Variants in ASTN1 observed in about 807,000 individuals in gnomAD.
ASTN1 encodes the protein astrotactin-1.
ASTN1 carries 41 observed loss-of-function variants against 140.7 expected under a neutral mutation model. That is an observed-to-expected ratio of 0.29 (90% confidence interval 0.23 to 0.38). The LOEUF (loss-of-function observed/expected upper bound fraction) is 0.38. Among genes scored for constraint, ASTN1 ranks in the 10% least tolerant of loss-of-function variants. The pLI, the probability that ASTN1 is intolerant of heterozygous loss-of-function variation, is 1.00. For synonymous variants in ASTN1, 640 were observed against 652.2 expected, an observed-to-expected ratio of 0.98 and a Z score of 0.29; for missense variants, 1,479 against 1,678.8, an observed-to-expected ratio of 0.88 and a Z score of 2.08.
At chr1:177,137,107 C>G (rs983997739) in intron 1 of ASTN1, among the ~76,000 whole-genome samples, 2 of 152,032 alleles carry the variant, frequency 1.3e-5, no homozygotes, top group Non-Finnish European at 2.9e-5. Flanking sequence ...CTGGTATGAA[C>G]AAGCAGGAAA....
intron 12 of ASTN1, among the ~76,000 whole-genome samples, chr1:176,948,831 T>A (rs1047400245): frequency 6.6e-6 from 1 of 152,192 alleles, no homozygotes; most frequent in African/African-American, 2.4e-5. Flanking sequence ...AATAAAAACC[T>A]TTTGTCACAA....
intron 1 of ASTN1, among the ~76,000 whole-genome samples, chr1:177,100,735 C>T (rs566787262): frequency 3.9e-4 from 60 of 152,266 alleles, no homozygotes; most frequent in African/African-American, 1.3e-3. Context: ...AAGTTGATTA[C>T]TGATGCAAAC....
At chr1:176,895,613 A>G (rs1257043644) in intron 16 of ASTN1, among the ~76,000 whole-genome samples, 2 of 152,246 alleles carry the variant, frequency 1.3e-5, no homozygotes, top group Non-Finnish European at 2.9e-5. Flanking sequence ...CCAAAACTTG[A>G]GAGATGGGTC....
chr1:176,929,656 G>T (rs902558734), intron 16 of ASTN1, among the ~76,000 whole-genome samples: 1 of 152,196 alleles, frequency 6.6e-6, no homozygotes, highest in Non-Finnish European at 1.5e-5. Context: ...TGCTGAGAAG[G>T]CAGAAAGGAG....
intron 8 of ASTN1, among the ~76,000 whole-genome samples, chr1:177,011,924 G>C (rs947256280): frequency 2.6e-5 from 4 of 151,994 alleles, no homozygotes; most frequent in African/African-American, 7.3e-5. Flanking sequence ...CTTTTCTCCT[G>C]GTACATTGAC....
intron 5 of ASTN1, chr1:177,029,330 A>G (rs770500265): frequency 1.7e-6 from 1 of 588,308 alleles, no homozygotes; most frequent in Non-Finnish European, 3.4e-6. Flanking sequence ...TCTGAACAGC[A>G]AAATATGACT....
At chr1:176,951,230 A>G (rs1175561839) in intron 11 of ASTN1, among the ~76,000 whole-genome samples, 1 of 152,220 alleles carries the variant, frequency 6.6e-6, no homozygotes, top group Non-Finnish European at 1.5e-5. Flanking sequence ...TAAACAAGCA[A>G]ATGAGGCAGC....
intron 8 of ASTN1, among the ~76,000 whole-genome samples, chr1:177,009,279 C>T (rs1675165338): frequency 6.6e-6 from 1 of 152,170 alleles, no homozygotes; most frequent in African/African-American, 2.4e-5. Flanking sequence ...CTCACCTCAT[C>T]CTAGAACTCA....
intron 2 of ASTN1, among the ~76,000 whole-genome samples, chr1:177,043,026 A>C (rs535377896): frequency 6.6e-6 from 1 of 152,192 alleles, no homozygotes; most frequent in African/African-American, 2.4e-5. Flanking sequence ...AATTTAACCA[A>C]TATGGCCAAG....
At chr1:177,120,141 C>A (rs377640705) in intron 1 of ASTN1, among the ~76,000 whole-genome samples, 15 of 152,158 alleles carry the variant, frequency 9.9e-5, no homozygotes, top group African/African-American at 2.2e-4. Flanking sequence ...AGTGGAGCTC[C>A]TATAGCTGGT....
At chr1:177,073,845 G>A (rs1458370802) in intron 1 of ASTN1, among the ~76,000 whole-genome samples, 1 of 151,148 alleles carries the variant, frequency 6.6e-6, no homozygotes, top group Non-Finnish European at 1.5e-5. Flanking sequence ...TCTATCAAAG[G>A]GCTGTTAAAG....
At chr1:177,136,328 T>TTTTTTGTTTTTTTATC (rs1223126962) in intron 1 of ASTN1, among the ~76,000 whole-genome samples, 1 of 151,096 alleles carries the variant, frequency 6.6e-6, no homozygotes, top group Non-Finnish European at 1.5e-5. Context: ...ATCGTAACTG[T>TTTTTTGTTTTTTTATC]GTTTTTTGTT....
chr1:176,892,109 A>G (rs1020423855), intron 17 of ASTN1, among the ~76,000 whole-genome samples: 2 of 152,202 alleles, frequency 1.3e-5, no homozygotes, highest in African/African-American at 2.4e-5. Flanking sequence ...AGTGCAGAGT[A>G]TAAGATATAG....
chr1:176,971,718 A>G (rs1417599676), intron 8 of ASTN1, among the ~76,000 whole-genome samples: 1 of 152,194 alleles, frequency 6.6e-6, no homozygotes, highest in African/African-American at 2.4e-5. Flanking sequence ...GGACCTTGAC[A>G]TCATGACTAC....
chr1:176,943,846 C>A (rs1444368413), intron 14 of ASTN1, 45 bp downstream of exon 14: 1 of 1,534,364 alleles, frequency 6.5e-7, no homozygotes, highest in South Asian at 1.3e-5. Context: ...CTGCAGGGAG[C>A]TGCCTGTTTG....
In ASTN1 at chr1:176,993,357, A is replaced by G. The variant is rs16850576; in HGVS notation, c.1523+21434T>C. ...CTGTCTTGAATTTTCTTATTTGGCTATATGTGGGTGCTATGGAACTCCAGG... is the reference window on the plus strand; with the variant it reads ...CTGTCTTGAATTTTCTTATTTGGCTGTATGTGGGTGCTATGGAACTCCAGG... On this transcript the variant is annotated intron_variant, in intron 8 of 22. Coordinates refer to ENST00000361833, the MANE Select transcript of ASTN1 (RefSeq NM_004319.3). Among the ~76,000 whole-genome samples, 710 of 152,322 alleles carry G rather than the reference A, an allele frequency of 4.7e-3. 13 individuals are homozygous for G. The East Asian group carries it at 0.076, about 16-fold the overall frequency.
chr1:176,907,566 T>A (rs752459867), intron 16 of ASTN1, among the ~76,000 whole-genome samples: 5 of 152,238 alleles, frequency 3.3e-5, no homozygotes, highest in Non-Finnish European at 7.3e-5. Context: ...TCAGTCCTGC[T>A]TTAGGGGGAA....
intron 8 of ASTN1, among the ~76,000 whole-genome samples, chr1:176,983,264 C>A (rs948080000): frequency 2.0e-5 from 3 of 152,124 alleles, no homozygotes; most frequent in African/African-American, 2.4e-5. Flanking sequence ...TCTAGGGAGT[C>A]ATGACAAGCC....
intron 2 of ASTN1, among the ~76,000 whole-genome samples, chr1:177,039,650 G>T (rs893912199): frequency 1.3e-5 from 2 of 152,204 alleles, no homozygotes; most frequent in Non-Finnish European, 2.9e-5. Context: ...GGGCTAAACA[G>T]CTGTGTAATT....
Sources: allele counts gnomAD v4.1 joint callset (sites outside exome capture counted in the v4.1 genomes callset), GRCh38; gene constraint gnomAD v4.1.1; transcripts MANE v1.5; gene names NCBI Gene and HGNC (gene_info 2026-07-23, HGNC 2026-07-21).